The following LASP1 variants were observed in gnomAD, a reference collection of about 807,000 sequenced individuals.
The protein encoded by LASP1 is LIM and SH3 protein 1, also known as LIM and SH3 domain protein 1.
Under a neutral mutation model 38.6 loss-of-function variants are expected in LASP1, and 10 were observed. The ratio of observed to expected loss-of-function variants is 0.26; its 90% CI spans 0.16 to 0.44. LASP1 has a LOEUF of 0.44. LASP1 is among the 20% of genes least tolerant of loss of function. The pLI is 1.00. For synonymous variants in LASP1, 132 were observed against 140.8 expected, an observed-to-expected ratio of 0.94 and a Z score of 0.44; for missense variants, 243 against 375.7, an observed-to-expected ratio of 0.65 and a Z score of 2.92.
Position 38,875,214 on chromosome 17 carries a change from C to G in LASP1, c.70-2872C>G, listed in dbSNP as rs1913732907. Among the ~76,000 whole-genome samples, 7 of 152,172 alleles carry G rather than the reference C, an allele frequency of 4.6e-5. No homozygotes were observed. The South Asian group carries it at 1.5e-3, about 32-fold the overall frequency. On this transcript the variant is annotated intron_variant, in intron 1 of 6. Transcript: ENST00000318008. ...GCCTGTGCAGCTAAGTAGGCAGAGGCCAGCAGACTGGGTGGTGACCAGGCT... is the reference window on the plus strand; with the variant it reads ...GCCTGTGCAGCTAAGTAGGCAGAGGGCAGCAGACTGGGTGGTGACCAGGCT...
At chr17:38,875,073 G>GTGTGTGTGTGTGTT (rs1555553212) in intron 1 of LASP1, among the ~76,000 whole-genome samples, 16 of 147,614 alleles carry the variant, frequency 1.1e-4, no homozygotes, top group African/African-American at 4.0e-4. Context: ...GTGTGTGTGT[G>GTGTGTGTGTGTGTT]TGTGTGTGTG....
At chr17:38,914,024 G>A (rs543567348) in intron 4 of LASP1, among the ~76,000 whole-genome samples, 1 of 151,808 alleles carries the variant, frequency 6.6e-6, no homozygotes, top group Non-Finnish European at 1.5e-5. Flanking sequence ...AAAAGAAAAG[G>A]GACCACTCAC....
chr17:38,900,434 A>G (rs1238897998), intron 4 of LASP1, among the ~76,000 whole-genome samples: 2 of 149,374 alleles, frequency 1.3e-5, no homozygotes, highest in East Asian at 3.9e-4. Context: ...CAGCACTTTG[A>G]GAGGCTGAGG....
intron 4 of LASP1, among the ~76,000 whole-genome samples, chr17:38,910,426 ATAT>A (rs1914902280): frequency 6.6e-6 from 1 of 152,212 alleles, no homozygotes; most frequent in African/African-American, 2.4e-5. Flanking sequence ...GTGTCATGAA[ATAT>A]TATTCCTCTT....
At chr17:38,902,397 A>G (rs1443924402) in intron 4 of LASP1, among the ~76,000 whole-genome samples, 2 of 102,138 alleles carry the variant, frequency 2.0e-5, no homozygotes, top group African/African-American at 7.9e-5. Context: ...TTTTTTTTTA[A>G]TCAGAGACAG....
chr17:38,870,092 C>A lies in LASP1; in HGVS notation c.-98C>A. ...CCAGCTCCAGCCGCCGTCGCTGCTG[C>A]CTGTGTAGTTGCAGCCGCGGCCGCC... On this transcript the variant is annotated 5_prime_UTR_variant, in exon 1 of 7. Transcript: ENST00000318008. 7.6e-7 allele frequency: 1 copy of A among 1,323,102 alleles called. No homozygotes were observed. Among genetic ancestry groups the A allele is most frequent in the East Asian group, 2.4e-5 (1 of 42,334 alleles). 82.0% of individuals were successfully genotyped at this position (1,323,102 alleles called of 1,614,324 possible). A position where few individuals can be genotyped will look rare whatever the true frequency, so the allele number is the denominator to read the frequency against.
In LASP1 at chr17:38,870,111, G is replaced by A. The variant is rs1913551748; in HGVS notation, c.-79G>A. On this transcript the variant is annotated 5_prime_UTR_variant, in exon 1 of 7. Coordinates refer to ENST00000318008, the MANE Select transcript of LASP1 (RefSeq NM_006148.4). The stretch of plus-strand genomic sequence containing the variant: ...CTGCTGCCTGTGTAGTTGCAGCCGC[G>A]GCCGCCTCCCGCCAGCTCGCCTCGG... 3.3e-6 allele frequency: 5 copies of A among 1,538,194 alleles called. No homozygotes were observed. Among genetic ancestry groups the A allele is most frequent in the African/African-American group, 2.7e-5 (2 of 73,522 alleles).
chr17:38,904,627 C>T (rs373484019), intron 4 of LASP1: 1 of 151,760 alleles, frequency 6.6e-6, no homozygotes, highest in East Asian at 1.9e-4. Context: ...AAAGAGAGTA[C>T]TGGATACATT....
At position 38,887,156 on chromosome 17, in the gene LASP1, ATCT is replaced by A. The variant is rs1247574713; in HGVS notation, c.165-3260_165-3258del. On this transcript the variant is annotated intron_variant, in intron 2 of 6. Transcript: ENST00000318008. ...TCCCCATCAAATGCTAACCAGCCTC[ATCT>A]TCTCAGAATTGAGTCTTCGAGTGCT... Among the ~76,000 whole-genome samples the A allele has an allele frequency of 2.0e-5, 3 of 152,290 alleles. 1 individual carries two copies. Among genetic ancestry groups the A allele is most frequent in the Middle Eastern group, 6.8e-3 (2 of 294 alleles).
rs1292637923 is a variant in LASP1 at position 38,921,681 on chromosome 17, T to C, written c.*2903T>C. On this transcript the variant is annotated 3_prime_UTR_variant, in exon 7 of 7. Coordinates refer to ENST00000318008, the MANE Select transcript of LASP1 (RefSeq NM_006148.4). ...GCTTGTGCTCGGGATCAAACCTTTC[T>C]GGCCTGTTATGATTCTGAACATTTG... 8.6e-6 allele frequency: 2 copies of C among 231,340 alleles called. No homozygotes were observed. Among genetic ancestry groups the C allele is most frequent in the African/African-American group, 4.4e-5 (2 of 45,236 alleles). The allele number at this position is 231,340 out of a possible 1,614,324, so 14.3% of individuals were successfully genotyped here. A position where few individuals can be genotyped will look rare whatever the true frequency, so the allele number is the denominator to read the frequency against.
At chr17:38,902,556 G>C (rs1914674749) in intron 4 of LASP1, among the ~76,000 whole-genome samples, 1 of 151,924 alleles carries the variant, frequency 6.6e-6, no homozygotes, top group African/African-American at 2.4e-5. Context: ...CCAACCTCCT[G>C]AAGTGTTTTG....
chr17:38,898,367 TC>T (rs1229867683), intron 3 of LASP1, 44 bp from the exon 4 acceptor site: 1 of 1,443,942 alleles, frequency 6.9e-7, no homozygotes, highest in South Asian at 1.3e-5. Flanking sequence ...CGAGGCCCTT[TC>T]GGCTCCTGGC....
rs1567694260 is a variant in LASP1 at position 38,875,090 on chromosome 17, A to ATGTGTGTGTGTGTGTGT, written c.70-2996_70-2995insTGTGTGTGTGTGTGTGT. On this transcript the variant is annotated intron_variant, in intron 1 of 6. Coordinates refer to ENST00000318008, the MANE Select transcript of LASP1 (RefSeq NM_006148.4). ...GTGTGTGTGTGTGTGTGTGTGTGTG[A>ATGTGTGTGTGTGTGTGT]GAAAGTGGGTCATGGTCTGGATTCT... 6.0e-4 allele frequency among the ~76,000 whole-genome samples: 73 copies of ATGTGTGTGTGTGTGTGT among 121,414 alleles called. No homozygotes were observed. In the South Asian group the frequency reaches 0.014, roughly 23 times the overall value. 79.7% of individuals were successfully genotyped at this position (121,414 alleles called of 152,430 possible). A position where few individuals can be genotyped will look rare whatever the true frequency, so the allele number is the denominator to read the frequency against.
chr17:38,903,356 A>G (rs1341509237), intron 4 of LASP1, among the ~76,000 whole-genome samples: 2 of 152,094 alleles, frequency 1.3e-5, no homozygotes, highest in Admixed American at 1.3e-4. Context: ...GGGATAAATG[A>G]TATCACTCTT....
chr17:38,885,660 C>T (rs918704735), intron 2 of LASP1, among the ~76,000 whole-genome samples: 4 of 152,286 alleles, frequency 2.6e-5, no homozygotes, highest in African/African-American at 9.6e-5. Flanking sequence ...CCTCATTCCT[C>T]GCCATGGCCC....
At position 38,918,575 on chromosome 17, in the gene LASP1, G is replaced by C. The variant is rs977941466; in HGVS notation, c.613-30G>C. The C allele has an allele frequency of 3.2e-6, 5 of 1,544,882 alleles. No individual in the cohort carries two copies. The highest frequency in any genetic ancestry group is 1.4e-5 in the African/African-American group (1 of 73,040). On this transcript the variant is annotated intron_variant, in intron 6 of 6. Coordinates refer to ENST00000318008, the MANE Select transcript of LASP1 (RefSeq NM_006148.4). This position sits in a 1 kb window ranked among gnomAD's most constrained non-coding sequence, Gnocchi z 4.4. ...CAGACCCAGGTGAGCCGGCATGCAG[G>C]GCCCTAGGCTGACCACACTTCCCCC...
intron 2 of LASP1, among the ~76,000 whole-genome samples, chr17:38,882,307 G>A (rs1232878008): frequency 1.3e-5 from 2 of 152,204 alleles, no homozygotes; most frequent in African/African-American, 2.4e-5. Flanking sequence ...GAGTGCAGTG[G>A]TGCGATCTCC....
At chr17:38,907,341 A>T (rs74907363) in intron 4 of LASP1, among the ~76,000 whole-genome samples, 3,084 of 152,182 alleles carry the variant, frequency 0.02, 118 homozygotes, top group African/African-American at 0.07. Context: ...GTTGAGAGTG[A>T]AAAGGGGTGC....
chr17:38,878,542 G>T (rs1045561972), intron 2 of LASP1, among the ~76,000 whole-genome samples: 1 of 152,128 alleles, frequency 6.6e-6, no homozygotes, highest in Non-Finnish European at 1.5e-5. Flanking sequence ...GGCTTTCCTC[G>T]TGGTCTTTCA....
Sources: gnomAD v4.1 joint callset for allele counts (sites outside exome capture counted in the v4.1 genomes callset) on GRCh38, gnomAD v4.1.1 for gene constraint, Gnocchi (gnomAD v3.1) non-coding constraint, MANE v1.5 for transcripts, NCBI Gene and HGNC (gene_info 2026-07-23, HGNC 2026-07-21) for gene names.